Variants in LRRC4C observed in about 807,000 individuals in gnomAD.
LRRC4C encodes the protein leucine-rich repeat-containing protein 4C.
Under a neutral mutation model 33.6 loss-of-function variants are expected in LRRC4C, and 5 were observed. That is an observed-to-expected ratio of 0.15 (90% CI 0.08 to 0.31). The LOEUF is 0.31. LRRC4C is among the 10% of genes least tolerant of loss of function. The pLI, the probability that LRRC4C is intolerant of heterozygous loss-of-function variation, is 1.00. For synonymous variants in LRRC4C, 329 were observed against 302.0 expected (o/e 1.09, Z -0.93); for missense variants, 560 against 796.7 (o/e 0.70, Z 3.58).
intron 3 of LRRC4C, among the ~76,000 whole-genome samples, chr11:40,545,122 A>G (rs1565491130): frequency 6.6e-6 from 1 of 151,996 alleles, no homozygotes; most frequent in South Asian, 2.1e-4. Context: ...CAAGCAAAAA[A>G]CATCAATTTC....
chr11:41,249,208 G>A (rs925802130), intron 1 of LRRC4C, among the ~76,000 whole-genome samples: 1 of 151,904 alleles, frequency 6.6e-6, no homozygotes, highest in African/African-American at 2.4e-5. Flanking sequence ...CTAATTTTTT[G>A]TATTTTTAGT....
At chr11:41,343,604 G>A (rs1233526901) in intron 1 of LRRC4C, among the ~76,000 whole-genome samples, 1 of 152,174 alleles carries the variant, frequency 6.6e-6, no homozygotes, top group Non-Finnish European at 1.5e-5. Context: ...GCTTAGTCTT[G>A]TGTTTTAAAA....
intron 3 of LRRC4C, among the ~76,000 whole-genome samples, chr11:40,601,671 T>C (rs1356019784): frequency 6.6e-6 from 1 of 152,212 alleles, no homozygotes; most frequent in Non-Finnish European, 1.5e-5. Context: ...TTCATCAAGG[T>C]TGTAATTTAT....
chr11:41,211,181 G>C lies in LRRC4C; in HGVS notation c.-496+248250C>G, dbSNP rs1021269. ...CTATATTTAGAAAAGACTGGAGATG[G>C]TATTCTAATAAGAGGAGTTATAAAA... On this transcript the variant is annotated intron_variant, in intron 1 of 6. Transcript: ENST00000528697. Among the ~76,000 whole-genome samples, 1,191 of 152,218 alleles carry C rather than the reference G, an allele frequency of 7.8e-3. 10 individuals are homozygous for C. The highest frequency in any genetic ancestry group is 0.013 in the Non-Finnish European group (890 of 68,020).
chr11:41,301,007 T>G lies in LRRC4C; in HGVS notation c.-496+158424A>C, dbSNP rs571737794. ...ATTTAAACAATTTGAAGTTTTAAAA[T>G]TTTTGTTTGGATATTAAAACAAAAT... On this transcript the variant is annotated intron_variant, in intron 1 of 6. Transcript: ENST00000528697. Among the ~76,000 whole-genome samples the G allele has an allele frequency of 2.2e-3, 334 of 152,332 alleles. 2 individuals are homozygous for G. The highest frequency in any genetic ancestry group is 7.7e-3 in the African/African-American group (320 of 41,582).
chr11:40,175,405 C>T (rs930880237), intron 5 of LRRC4C, among the ~76,000 whole-genome samples: 2 of 152,194 alleles, frequency 1.3e-5, no homozygotes, highest in Non-Finnish European at 2.9e-5. Context: ...GGAAATCCTC[C>T]GCTTAGTCAA....
At chr11:41,338,753 C>T (rs1162941770) in intron 1 of LRRC4C, among the ~76,000 whole-genome samples, 1 of 151,916 alleles carries the variant, frequency 6.6e-6, no homozygotes, top group East Asian at 1.9e-4. Context: ...TTGTATTGAG[C>T]ATTTCAAATA....
At chr11:40,698,997 C>T (rs1945724399) in intron 2 of LRRC4C, among the ~76,000 whole-genome samples, 1 of 152,086 alleles carries the variant, frequency 6.6e-6, no homozygotes. Flanking sequence ...ACAGCCAAAC[C>T]ATATCCAACA....
chr11:40,363,278 C>T (rs570986163), intron 3 of LRRC4C, among the ~76,000 whole-genome samples: 1 of 152,040 alleles, frequency 6.6e-6, no homozygotes, highest in African/African-American at 2.4e-5. Flanking sequence ...GAACTGGAGG[C>T]CATTATCCTT....
chr11:41,050,472 G>A (rs1175224192), intron 1 of LRRC4C, among the ~76,000 whole-genome samples: 1 of 151,950 alleles, frequency 6.6e-6, no homozygotes, highest in Non-Finnish European at 1.5e-5. Flanking sequence ...GCCCCAGTGT[G>A]TGCTATTCCC....
intron 1 of LRRC4C, among the ~76,000 whole-genome samples, chr11:41,443,089 A>ATTTTTTTTTTTTTTTTTTTTTTCTTCTTT: frequency 9.4e-6 from 1 of 105,994 alleles, no homozygotes; most frequent in African/African-American, 3.7e-5. Context: ...TGTTTGCTTC[A>ATTTTTTTTTTTTTTTTTTTTTTCTTCTTT]TTTTTTTTTT....
At chr11:40,160,976 G>A (rs1859105923) in intron 5 of LRRC4C, among the ~76,000 whole-genome samples, 1 of 152,184 alleles carries the variant, frequency 6.6e-6, no homozygotes, top group Non-Finnish European at 1.5e-5. Context: ...TGTTGGGAAA[G>A]GCAGGAATCT....
At chr11:41,122,566 T>C (rs1942495946) in intron 1 of LRRC4C, among the ~76,000 whole-genome samples, 1 of 152,050 alleles carries the variant, frequency 6.6e-6, no homozygotes, top group South Asian at 2.1e-4. Context: ...GCCCAGATGA[T>C]TTCTTGTGCC....
At chr11:40,558,068 G>A (rs1187756689) in intron 3 of LRRC4C, among the ~76,000 whole-genome samples, 5 of 152,122 alleles carry the variant, frequency 3.3e-5, no homozygotes, top group African/African-American at 1.2e-4. Flanking sequence ...TTACTCATGA[G>A]AAGATCTCTG....
chr11:40,309,518 T>A (rs2136735940), intron 4 of LRRC4C, among the ~76,000 whole-genome samples: 1 of 151,684 alleles, frequency 6.6e-6, no homozygotes, highest in Admixed American at 6.6e-5. Flanking sequence ...GAAGTGTATT[T>A]TTTTTTTTTT....
chr11:41,377,789 A>G (rs1462586057), intron 1 of LRRC4C, among the ~76,000 whole-genome samples: 2 of 152,178 alleles, frequency 1.3e-5, no homozygotes, highest in African/African-American at 2.4e-5. Context: ...CAACTATTAC[A>G]GTCAAGGACA....
At chr11:40,499,257 T>A (rs1007122183) in intron 3 of LRRC4C, among the ~76,000 whole-genome samples, 3 of 152,092 alleles carry the variant, frequency 2.0e-5, no homozygotes, top group African/African-American at 7.2e-5. Flanking sequence ...AAATAACCTG[T>A]CAAGCCCCTA....
At chr11:41,226,835 T>C (rs1947562876) in intron 1 of LRRC4C, among the ~76,000 whole-genome samples, 2 of 151,646 alleles carry the variant, frequency 1.3e-5, no homozygotes, top group South Asian at 4.2e-4. Context: ...CTACTTAAAA[T>C]AGTCCACATC....
chr11:40,929,202 C>G (rs1039702933), intron 2 of LRRC4C, among the ~76,000 whole-genome samples: 1 of 152,094 alleles, frequency 6.6e-6, no homozygotes, highest in Non-Finnish European at 1.5e-5. Flanking sequence ...GCCAACAATA[C>G]CAATACAGCC....
Sources: allele counts gnomAD v4.1 joint callset (sites outside exome capture counted in the v4.1 genomes callset), GRCh38; gene constraint gnomAD v4.1.1; transcripts MANE v1.5; gene names NCBI Gene and HGNC (gene_info 2026-07-23, HGNC 2026-07-21).